The following DOCK2 variants were observed in gnomAD, a reference collection of about 807,000 sequenced individuals.
DOCK2 encodes dedicator of cytokinesis 2.
DOCK2 carries 87 observed loss-of-function variants against 248.9 expected under a neutral mutation model. The observed-to-expected ratio is 0.35, with a 90% CI of 0.29 to 0.42. DOCK2 has a LOEUF of 0.42. DOCK2 is among the 10% of genes least tolerant of loss of function. DOCK2 has a pLI of 1.00. For missense variants in DOCK2, 1,747 were observed against 2,300.2 expected (o/e 0.76, Z 4.92); for synonymous variants, 805 against 821.6 (o/e 0.98, Z 0.35).
In DOCK2 at chr5:170,061,263, A is replaced by T. The variant is rs541742671; in HGVS notation, c.4467+3597A>T. Among the ~76,000 whole-genome samples, 4 of 152,360 alleles carry T rather than the reference A, an allele frequency of 2.6e-5. No individual in the cohort carries two copies. The East Asian group carries it at 7.7e-4, about 29-fold the overall frequency. On this transcript the variant is annotated intron_variant, in intron 44 of 51. Coordinates refer to ENST00000520908, the MANE Select transcript of DOCK2 (RefSeq NM_004946.3). Reference sequence around the variant, plus strand: ...AAAAGACCAGAGATTTGAGGGCTAGATTAAGTCCCAACAGCCCGTTGATAG... The same window carrying T: ...AAAAGACCAGAGATTTGAGGGCTAGTTTAAGTCCCAACAGCCCGTTGATAG...
intron 10 of DOCK2, among the ~76,000 whole-genome samples, chr5:169,696,656 T>A (rs1012322862): frequency 1.1e-4 from 17 of 152,234 alleles, no homozygotes; most frequent in African/African-American, 3.9e-4. Context: ...TATAAAATTT[T>A]AAGAGTATAC....
chr5:169,831,092 C>G (rs1769197610), intron 26 of DOCK2, among the ~76,000 whole-genome samples: 1 of 152,116 alleles, frequency 6.6e-6, no homozygotes, highest in Non-Finnish European at 1.5e-5. Context: ...TCCAACAAAA[C>G]ATAGCAAATA....
At chr5:169,999,677 A>G (rs1325073443) in intron 30 of DOCK2, among the ~76,000 whole-genome samples, 1 of 152,092 alleles carries the variant, frequency 6.6e-6, no homozygotes, top group Non-Finnish European at 1.5e-5. Flanking sequence ...GAACAGGATC[A>G]TTTTCCAACC....
intron 25 of DOCK2, among the ~76,000 whole-genome samples, chr5:169,795,283 C>A (rs1269728168): frequency 6.6e-6 from 1 of 152,082 alleles, no homozygotes; most frequent in Non-Finnish European, 1.5e-5. Flanking sequence ...ATATTTTCTC[C>A]CTTCTAAGAT....
intron 20 of DOCK2, 57 bp from the exon 21 acceptor site, chr5:169,717,327 G>A: frequency 6.9e-7 from 1 of 1,456,376 alleles, no homozygotes; most frequent in Non-Finnish European, 9.6e-7. Context: ...GCCAGGTAAA[G>A]ATGGCTTCCT....
intron 30 of DOCK2, chr5:169,997,946 T>C (rs879708606): frequency 2.2e-6 from 1 of 456,352 alleles, no homozygotes; most frequent in East Asian, 6.9e-5. Context: ...ATCTGTAAAA[T>C]GCAACAACTA....
At chr5:169,985,417 C>A (rs144959657) in intron 28 of DOCK2, among the ~76,000 whole-genome samples, 1 of 149,450 alleles carries the variant, frequency 6.7e-6, no homozygotes, top group Non-Finnish European at 1.5e-5. Flanking sequence ...TATGAATTAG[C>A]TGTATTTACA....
At chr5:169,693,167 A>G (rs533163773) in intron 9 of DOCK2, among the ~76,000 whole-genome samples, 1 of 152,310 alleles carries the variant, frequency 6.6e-6, no homozygotes, top group African/African-American at 2.4e-5. Flanking sequence ...GGAGGTCATT[A>G]TGAAGGAAGG....
At chr5:169,818,118 G>A (rs916964258) in intron 26 of DOCK2, among the ~76,000 whole-genome samples, 8 of 152,132 alleles carry the variant, frequency 5.3e-5, no homozygotes, top group African/African-American at 1.4e-4. Context: ...GCCAGCCTAC[G>A]TGAACATGCG....
intron 1 of DOCK2, among the ~76,000 whole-genome samples, chr5:169,646,158 T>C (rs149604152): frequency 0.046 from 7,080 of 152,314 alleles, 235 homozygotes; most frequent in South Asian, 0.12. Flanking sequence ...TTTCCACATA[T>C]GGCTGGCCAG....
intron 27 of DOCK2, among the ~76,000 whole-genome samples, chr5:169,881,595 G>A (rs918466079): frequency 6.6e-6 from 1 of 152,182 alleles, no homozygotes; most frequent in Non-Finnish European, 1.5e-5. Context: ...AGAATGTCAC[G>A]ACAATAGGAG....
At chr5:169,883,819 G>A (rs1241337056) in intron 27 of DOCK2, 6 of 1,549,420 alleles carry the variant, frequency 3.9e-6, no homozygotes, top group African/African-American at 1.4e-5. Flanking sequence ...GCGGTGGTGA[G>A]GTTGTTTCAC....
chr5:170,012,278 G>A (rs183803306), intron 32 of DOCK2, among the ~76,000 whole-genome samples: 1 of 147,692 alleles, frequency 6.8e-6, no homozygotes, highest in Admixed American at 6.7e-5. Flanking sequence ...AATGACCAAC[G>A]ATCTACGTTT....
At chr5:170,080,039 C>A in intron 49 of DOCK2, 124 bp from the exon 50 acceptor site, 2 of 1,503,340 alleles carry the variant, frequency 1.3e-6, no homozygotes, top group African/African-American at 1.4e-5. Flanking sequence ...AATAAATGAA[C>A]TTGGAGCCAG....
intron 29 of DOCK2, among the ~76,000 whole-genome samples, chr5:169,994,850 C>A (rs1230778556): frequency 6.6e-6 from 1 of 151,976 alleles, no homozygotes; most frequent in African/African-American, 2.4e-5. Context: ...ATGGAGCTGT[C>A]CTTTAGGGGA....
At chr5:169,675,423 T>C (rs567619829) in intron 6 of DOCK2, among the ~76,000 whole-genome samples, 1 of 152,346 alleles carries the variant, frequency 6.6e-6, no homozygotes, top group East Asian at 1.9e-4. Context: ...CTGCTAGGTA[T>C]TGGGGCTGTA....
intron 23 of DOCK2, among the ~76,000 whole-genome samples, chr5:169,758,194 T>C (rs1764294997): frequency 6.6e-6 from 1 of 152,192 alleles, no homozygotes; most frequent in African/African-American, 2.4e-5. Context: ...AAGAATCCAC[T>C]CTATGAGAAG....
chr5:169,904,599 C>T (rs1774164556), intron 27 of DOCK2, among the ~76,000 whole-genome samples: 1 of 152,144 alleles, frequency 6.6e-6, no homozygotes, highest in Non-Finnish European at 1.5e-5. Flanking sequence ...CATTCTCTCT[C>T]ATTCACATGG....
chr5:170,030,731 C>A (rs913909703), intron 34 of DOCK2, among the ~76,000 whole-genome samples: 1 of 152,106 alleles, frequency 6.6e-6, no homozygotes, highest in African/African-American at 2.4e-5. Flanking sequence ...GATAGCATTG[C>A]GGGTTTTTGA....
Sources: allele counts gnomAD v4.1 joint callset (sites outside exome capture counted in the v4.1 genomes callset), GRCh38; gene constraint gnomAD v4.1.1; transcripts MANE v1.5; gene names NCBI Gene and HGNC (gene_info 2026-07-23, HGNC 2026-07-21).